Variants in LEMD3 observed in about 807,000 individuals in gnomAD.
LEMD3 encodes the protein inner nuclear membrane protein Man1.
Under a neutral mutation model 95.2 loss-of-function variants are expected in LEMD3, and 33 were observed. The ratio of observed to expected loss-of-function variants is 0.35; its 90% CI spans 0.26 to 0.46. LEMD3 has a LOEUF of 0.46. Among genes scored for constraint, LEMD3 ranks in the 20% least tolerant of loss-of-function variants. The pLI is 1.00. For synonymous variants in LEMD3, 525 were observed against 474.6 expected, an observed-to-expected ratio of 1.11 and a Z score of -1.38; for missense variants, 1,210 against 1,192.8, an observed-to-expected ratio of 1.01 and a Z score of -0.21.
At chr12:65,213,269 A>C (rs1237464219) in intron 2 of LEMD3, among the ~76,000 whole-genome samples, 1 of 152,136 alleles carries the variant, frequency 6.6e-6, no homozygotes, top group Non-Finnish European at 1.5e-5. Flanking sequence ...TTTATCACCC[A>C]GGCTGGAGTG....
intron 4 of LEMD3, among the ~76,000 whole-genome samples, chr12:65,219,480 C>T (rs745639682): frequency 6.6e-6 from 1 of 152,174 alleles, no homozygotes; most frequent in Admixed American, 6.5e-5. Context: ...CAAATGGAAA[C>T]GTTGATCCCT....
intron 4 of LEMD3, among the ~76,000 whole-genome samples, chr12:65,237,943 C>G (rs936686357): frequency 6.6e-6 from 1 of 152,114 alleles, no homozygotes; most frequent in Non-Finnish European, 1.5e-5. Context: ...TAAATTCACT[C>G]TTATGATGGC....
At chr12:65,214,279 G>A (rs1870035094) in intron 2 of LEMD3, among the ~76,000 whole-genome samples, 1 of 152,110 alleles carries the variant, frequency 6.6e-6, no homozygotes, top group Non-Finnish European at 1.5e-5. Context: ...ACAGGCATGA[G>A]CCACCACACC....
intron 1 of LEMD3, among the ~76,000 whole-genome samples, chr12:65,190,265 T>A (rs1003492547): frequency 2.6e-5 from 4 of 152,118 alleles, no homozygotes; most frequent in African/African-American, 9.6e-5. Context: ...CCTCCTTGGC[T>A]AGGGCACCCT....
rs551821912 is a variant in LEMD3 at position 65,197,910 on chromosome 12, T to C, written c.1523-13016T>C. On this transcript the variant is annotated intron_variant, in intron 1 of 12. Transcript: ENST00000308330. ...CTCCAGTTTTCTTATTTGCATACTGTTTTTATGCCACTCAAAACTAAAACT... is the reference window on the plus strand; with the variant it reads ...CTCCAGTTTTCTTATTTGCATACTGCTTTTATGCCACTCAAAACTAAAACT... Among the ~76,000 whole-genome samples, 5 of 152,294 alleles carry C rather than the reference T, an allele frequency of 3.3e-5. No individual in the cohort carries two copies. In the East Asian group the frequency reaches 9.6e-4, roughly 29 times the overall value.
intron 1 of LEMD3, among the ~76,000 whole-genome samples, chr12:65,200,979 G>A (rs930476105): frequency 6.6e-6 from 1 of 152,028 alleles, no homozygotes; most frequent in African/African-American, 2.4e-5. Flanking sequence ...TTTTGGGACG[G>A]GTATAAAATC....
intron 10 of LEMD3, chr12:65,245,366 C>T: frequency 3.0e-6 from 1 of 329,392 alleles, no homozygotes; most frequent in Non-Finnish European, 5.7e-6. Flanking sequence ...GTCTCGATCT[C>T]CTGACCTCAT....
At chr12:65,223,854 A>T (rs1468029108) in intron 4 of LEMD3, among the ~76,000 whole-genome samples, 2 of 119,180 alleles carry the variant, frequency 1.7e-5, no homozygotes, top group Non-Finnish European at 3.5e-5. Context: ...TTTTGTAGTG[A>T]CAAGCTGTGA....
chr12:65,206,324 A>T (rs1224772568), intron 1 of LEMD3, among the ~76,000 whole-genome samples: 5 of 151,938 alleles, frequency 3.3e-5, no homozygotes, highest in Non-Finnish European at 5.9e-5. Context: ...AGGTCACACT[A>T]GCCTTAAGGT....
At chr12:65,199,734 T>C (rs1234940438) in intron 1 of LEMD3, among the ~76,000 whole-genome samples, 1 of 152,092 alleles carries the variant, frequency 6.6e-6, no homozygotes, top group Non-Finnish European at 1.5e-5. Flanking sequence ...TAAACATCCA[T>C]GTGCAAGTTT....
intron 4 of LEMD3, among the ~76,000 whole-genome samples, chr12:65,224,350 G>T (rs548367393): frequency 6.6e-6 from 1 of 152,222 alleles, no homozygotes; most frequent in African/African-American, 2.4e-5. Context: ...TTGAAGGATG[G>T]TTTTTCTGGA....
At chr12:65,235,219 T>G (rs1206020181) in intron 4 of LEMD3, among the ~76,000 whole-genome samples, 1 of 152,150 alleles carries the variant, frequency 6.6e-6, no homozygotes, top group Non-Finnish European at 1.5e-5. Context: ...GCAATAATGT[T>G]GTCTTCAGCT....
At chr12:65,173,963 A>G (rs1037424781) in intron 1 of LEMD3, among the ~76,000 whole-genome samples, 3 of 152,164 alleles carry the variant, frequency 2.0e-5, no homozygotes, top group Non-Finnish European at 4.4e-5. Flanking sequence ...ACACACACAT[A>G]CATACACGTA....
chr12:65,196,594 A>G (rs1390090502), intron 1 of LEMD3, among the ~76,000 whole-genome samples: 1 of 152,086 alleles, frequency 6.6e-6, no homozygotes, highest in East Asian at 1.9e-4. Flanking sequence ...AAACTTACCT[A>G]ACTTACCTTA....
intron 4 of LEMD3, among the ~76,000 whole-genome samples, chr12:65,229,493 C>T (rs868254279): frequency 1.3e-5 from 2 of 152,212 alleles, no homozygotes; most frequent in South Asian, 2.1e-4. Context: ...ATTTACATTC[C>T]CACCAACAGT....
intron 1 of LEMD3, among the ~76,000 whole-genome samples, chr12:65,185,470 A>T (rs932403011): frequency 6.6e-6 from 1 of 152,000 alleles, no homozygotes; most frequent in Non-Finnish European, 1.5e-5. Flanking sequence ...ATACTGTGCT[A>T]TTATTTTTCA....
At chr12:65,215,301 C>T (rs776412225) in intron 2 of LEMD3, among the ~76,000 whole-genome samples, 95 of 152,118 alleles carry the variant, frequency 6.2e-4, no homozygotes, top group Non-Finnish European at 9.6e-4. Flanking sequence ...TCCCTCCTTC[C>T]CTCCTTCTAT....
intron 1 of LEMD3, among the ~76,000 whole-genome samples, chr12:65,209,360 CTT>C (rs915326919): frequency 5.9e-5 from 9 of 151,996 alleles, no homozygotes; most frequent in Non-Finnish European, 1.5e-5. Context: ...GAACTGCACA[CTT>C]ATATTTTTAA....
chr12:65,236,901 A>G (rs2136352771), intron 4 of LEMD3, among the ~76,000 whole-genome samples: 1 of 152,236 alleles, frequency 6.6e-6, no homozygotes, highest in Admixed American at 6.5e-5. Context: ...TATGTGTAAT[A>G]TGATACCACA....
Sources: allele counts gnomAD v4.1 joint callset (sites outside exome capture counted in the v4.1 genomes callset), GRCh38; gene constraint gnomAD v4.1.1; transcripts MANE v1.5; gene names NCBI Gene and HGNC (gene_info 2026-07-23, HGNC 2026-07-21).